Variants in GALNT7 observed in about 807,000 individuals in gnomAD.
GALNT7 encodes N-acetylgalactosaminyltransferase 7.
In GALNT7, 60 loss-of-function variants were observed where a neutral mutation model predicts 82.1. That is an observed-to-expected ratio of 0.73 (90% CI 0.59 to 0.91). The LOEUF is 0.91. Ranked by LOEUF, GALNT7 falls within the 40% of genes least tolerant of loss-of-function variation. The pLI is 0.00. For synonymous variants in GALNT7, 243 were observed against 275.1 expected (o/e 0.88, Z 1.15); for missense variants, 660 against 804.2 (o/e 0.82, Z 2.17).
At chr4:173,185,928 C>T (rs1453717092) in intron 1 of GALNT7, among the ~76,000 whole-genome samples, 2 of 152,200 alleles carry the variant, frequency 1.3e-5, no homozygotes, top group Non-Finnish European at 2.9e-5. Context: ...CATCCTTAAT[C>T]AATTTGAAAG....
At chr4:173,175,047 G>C (rs1174818032) in intron 1 of GALNT7, among the ~76,000 whole-genome samples, 9 of 152,294 alleles carry the variant, frequency 5.9e-5, no homozygotes, top group Middle Eastern at 3.4e-3. Context: ...AGAATATGTG[G>C]AAATTCTAAC....
intron 2 of GALNT7, among the ~76,000 whole-genome samples, chr4:173,268,586 CGT>C (rs1325625636): frequency 8.6e-6 from 1 of 116,782 alleles, no homozygotes; most frequent in Non-Finnish European, 1.6e-5. Context: ...GTAGCCCAGG[CGT>C]GGCGCCATCT....
chr4:173,271,497 A>C (rs1735723414), intron 2 of GALNT7, among the ~76,000 whole-genome samples: 1 of 152,162 alleles, frequency 6.6e-6, no homozygotes, highest in South Asian at 2.1e-4. Context: ...TCTGTTGCCC[A>C]GGCTGGAGTG....
At chr4:173,173,075 T>C (rs1731927467) in intron 1 of GALNT7, among the ~76,000 whole-genome samples, 1 of 151,940 alleles carries the variant, frequency 6.6e-6, no homozygotes, top group African/African-American at 2.4e-5. Context: ...TAGAAAAAAA[T>C]AAATTGATTC....
At chr4:173,186,874 C>G (rs1732476376) in intron 1 of GALNT7, among the ~76,000 whole-genome samples, 1 of 151,790 alleles carries the variant, frequency 6.6e-6, no homozygotes, top group Non-Finnish European at 1.5e-5. Context: ...CCCTGGGTCT[C>G]CTGCCTTACT....
intron 1 of GALNT7, among the ~76,000 whole-genome samples, chr4:173,210,129 G>C (rs546797956): frequency 6.7e-6 from 1 of 149,964 alleles, no homozygotes; most frequent in Admixed American, 6.6e-5. Context: ...GCGAGACTCC[G>C]TCTCAAAAAA....
intron 1 of GALNT7, among the ~76,000 whole-genome samples, chr4:173,227,234 A>G (rs2126701369): frequency 6.6e-6 from 1 of 152,366 alleles, no homozygotes; most frequent in African/African-American, 2.4e-5. Flanking sequence ...TTAAAGAAGT[A>G]TCTTGAGGAA....
At chr4:173,293,527 A>C (rs993377001) in intron 3 of GALNT7, among the ~76,000 whole-genome samples, 1 of 150,724 alleles carries the variant, frequency 6.6e-6, no homozygotes, top group Non-Finnish European at 1.5e-5. Flanking sequence ...TCAGAAAGTA[A>C]AACTTTAAAG....
At chr4:173,262,836 A>G (rs1367473161) in intron 2 of GALNT7, among the ~76,000 whole-genome samples, 2 of 152,218 alleles carry the variant, frequency 1.3e-5, no homozygotes, top group Non-Finnish European at 1.5e-5. Context: ...TTAAAAAGGC[A>G]TACACTCAAG....
intron 2 of GALNT7, among the ~76,000 whole-genome samples, chr4:173,257,077 CT>C (rs1735064791): frequency 6.6e-6 from 1 of 152,144 alleles, no homozygotes; most frequent in Non-Finnish European, 1.5e-5. Flanking sequence ...ATCTTTACCT[CT>C]GGAATATCTG....
chr4:173,203,046 G>A (rs370305256), intron 1 of GALNT7, among the ~76,000 whole-genome samples: 17 of 142,018 alleles, frequency 1.2e-4, no homozygotes, highest in African/African-American at 4.5e-4. Context: ...TTTACTTTCC[G>A]TCTATGTGTC....
chr4:173,227,910 C>T lies in GALNT7; in HGVS notation c.127-20070C>T, dbSNP rs540862635. On this transcript the variant is annotated intron_variant, in intron 1 of 11. Coordinates refer to ENST00000265000, the MANE Select transcript of GALNT7 (RefSeq NM_017423.3). ...AAGTGAAAAACATTGCTAGCTATGC[C>T]GTGTGTGAACTTTCAGCCTAGTCAT... Among the ~76,000 whole-genome samples, 8 of 152,048 alleles carry T rather than the reference C, an allele frequency of 5.3e-5. No individual in the cohort carries two copies. The South Asian group carries it at 6.2e-4, about 12-fold the overall frequency.
chr4:173,222,359 A>G (rs915041690), intron 1 of GALNT7, among the ~76,000 whole-genome samples: 5 of 151,956 alleles, frequency 3.3e-5, no homozygotes, highest in African/African-American at 4.8e-5. Flanking sequence ...TGCAACCTCT[A>G]CCTCTTGGGT....
chr4:173,202,008 A>G (rs1335248906), intron 1 of GALNT7, among the ~76,000 whole-genome samples: 1 of 152,246 alleles, frequency 6.6e-6, no homozygotes, highest in Non-Finnish European at 1.5e-5. Flanking sequence ...ACTGTTCATT[A>G]GGAAGTCTGG....
intron 2 of GALNT7, among the ~76,000 whole-genome samples, chr4:173,288,282 C>CAAAAAAAAAAAAAAAAAA (rs70944442): frequency 2.5e-4 from 16 of 62,962 alleles, no homozygotes; most frequent in African/African-American, 9.6e-4. Flanking sequence ...GACTCCATCT[C>CAAAAAAAAAAAAAAAAAA]AAAAAAAAAA....
intron 11 of GALNT7, among the ~76,000 whole-genome samples, chr4:173,319,754 G>A (rs1737735735): frequency 6.6e-6 from 1 of 152,062 alleles, no homozygotes; most frequent in South Asian, 2.1e-4. Context: ...TAGACTGTAG[G>A]GGAGTTCAAA....
intron 1 of GALNT7, among the ~76,000 whole-genome samples, chr4:173,204,802 A>G (rs1356237216): frequency 6.6e-6 from 1 of 152,052 alleles, no homozygotes; most frequent in Non-Finnish European, 1.5e-5. Flanking sequence ...ATATATCTCC[A>G]TTTTGGCAGG....
At chr4:173,184,091 A>C (rs574730678) in intron 1 of GALNT7, among the ~76,000 whole-genome samples, 2 of 141,744 alleles carry the variant, frequency 1.4e-5, no homozygotes, top group African/African-American at 5.4e-5. Context: ...GAGGGTCGGG[A>C]AGAGGCTCTC....
chr4:173,216,708 T>TATATATATAA (rs1324585250), intron 1 of GALNT7, among the ~76,000 whole-genome samples: 2 of 19,020 alleles, frequency 1.1e-4, no homozygotes, highest in African/African-American at 2.8e-4. Flanking sequence ...GTACTATTCA[T>TATATATATAA]ATATATATAT....
Sources: allele counts gnomAD v4.1 joint callset (sites outside exome capture counted in the v4.1 genomes callset), GRCh38; gene constraint gnomAD v4.1.1; transcripts MANE v1.5; gene names NCBI Gene and HGNC (gene_info 2026-07-23, HGNC 2026-07-21).